ATP8B4: variants seen among roughly 807,000 people sequenced by gnomAD.
ATP8B4 encodes ATPase phospholipid transporting 8B4 (putative), also known as probable phospholipid-transporting ATPase IM.
Under a neutral mutation model 145.6 loss-of-function variants are expected in ATP8B4, and 133 were observed. That is an observed-to-expected ratio of 0.91 (90% CI 0.79 to 1.05). The LOEUF (loss-of-function observed/expected upper bound fraction) is 1.05. Ranked by LOEUF, ATP8B4 falls within the 50% of genes least tolerant of loss-of-function variation. The pLI is 0.00. For synonymous variants in ATP8B4, 507 were observed against 492.9 expected (o/e 1.03, Z -0.38); for missense variants, 1,458 against 1,425.2 (o/e 1.02, Z -0.37).
chr15:50,099,780 T>C (rs2056229586), intron 2 of ATP8B4, among the ~76,000 whole-genome samples: 1 of 152,182 alleles, frequency 6.6e-6, no homozygotes, highest in South Asian at 2.1e-4. Context: ...GGCTCACGCC[T>C]GTAATCCCAG....
At chr15:50,059,691 A>G (rs2052864582) in intron 3 of ATP8B4, among the ~76,000 whole-genome samples, 1 of 152,198 alleles carries the variant, frequency 6.6e-6, no homozygotes, top group Non-Finnish European at 1.5e-5. Context: ...TTAGAAAACA[A>G]AGTTCATCCA....
intron 8 of ATP8B4, among the ~76,000 whole-genome samples, chr15:50,001,132 G>A (rs180755315): frequency 4.0e-4 from 60 of 151,576 alleles, no homozygotes; most frequent in Admixed American, 3.0e-3. Context: ...GCTCTGTGTC[G>A]TTGATTTTCT....
intron 3 of ATP8B4, among the ~76,000 whole-genome samples, chr15:50,048,351 A>G (rs1261315999): frequency 6.6e-6 from 1 of 152,082 alleles, no homozygotes; most frequent in Non-Finnish European, 1.5e-5. Context: ...CTCTTAAGAC[A>G]CCCCAATAAT....
At chr15:50,058,960 GAA>G (rs34248262) in intron 3 of ATP8B4, among the ~76,000 whole-genome samples, 4 of 145,518 alleles carry the variant, frequency 2.7e-5, no homozygotes, top group South Asian at 4.4e-4. Context: ...GGAGGGCAGG[GAA>G]AAAAAAAAGA....
chr15:49,916,823 G>A, intron 20 of ATP8B4, 111 bp downstream of exon 20: 1 of 998,242 alleles, frequency 1.0e-6, no homozygotes, highest in East Asian at 2.5e-5. Context: ...TTTATACTAA[G>A]TTAAGACCAC....
At chr15:50,117,419 C>T (rs1474579053) in intron 1 of ATP8B4, among the ~76,000 whole-genome samples, 2 of 152,160 alleles carry the variant, frequency 1.3e-5, no homozygotes, top group East Asian at 3.8e-4. Flanking sequence ...TTAGTTAACT[C>T]TTTTCCTACT....
chr15:50,011,553 C>T (rs2048721996), intron 6 of ATP8B4, among the ~76,000 whole-genome samples: 1 of 152,088 alleles, frequency 6.6e-6, no homozygotes, highest in East Asian at 1.9e-4. Flanking sequence ...GCTTTCTGTG[C>T]AGGTCATGTA....
chr15:50,178,010 G>C (rs2044789266), intron 1 of ATP8B4, among the ~76,000 whole-genome samples: 1 of 152,176 alleles, frequency 6.6e-6, no homozygotes, highest in Non-Finnish European at 1.5e-5. Flanking sequence ...AGATGATAGG[G>C]ATGAACGTCC....
intron 2 of ATP8B4, among the ~76,000 whole-genome samples, chr15:50,098,539 C>T (rs1327642208): frequency 6.6e-6 from 1 of 151,842 alleles, no homozygotes. Context: ...CCACCTCAGC[C>T]TCCCAAAGCA....
intron 3 of ATP8B4, among the ~76,000 whole-genome samples, chr15:50,054,922 C>T (rs926898416): frequency 6.6e-6 from 1 of 151,634 alleles, no homozygotes; most frequent in Non-Finnish European, 1.5e-5. Context: ...TGCCAAATTC[C>T]TTAGTTTCAC....
chr15:49,940,237 C>T (rs1161953465), intron 14 of ATP8B4, among the ~76,000 whole-genome samples: 2 of 152,084 alleles, frequency 1.3e-5, no homozygotes, highest in Admixed American at 6.6e-5. Context: ...GAAATCATGC[C>T]CTTTGTAGCC....
intron 14 of ATP8B4, among the ~76,000 whole-genome samples, chr15:49,953,966 C>A (rs984387852): frequency 6.6e-6 from 1 of 152,198 alleles, no homozygotes; most frequent in Non-Finnish European, 1.5e-5. Flanking sequence ...GGCCGCCCAC[C>A]ACACTGCTCT....
chr15:49,900,992 T>A, intron 21 of ATP8B4, 100 bp downstream of exon 21: 6 of 1,435,228 alleles, frequency 4.2e-6, no homozygotes, highest in Non-Finnish European at 5.7e-6. Flanking sequence ...AGTAGTGACA[T>A]TTGTCTGGAA....
intron 2 of ATP8B4, 39 bp from the exon 3 acceptor site, chr15:50,074,224 G>C (rs1487824985): frequency 1.3e-6 from 2 of 1,546,776 alleles, no homozygotes; most frequent in African/African-American, 2.7e-5. Context: ...TAAATTGTAG[G>C]CCCAGAGAAA....
At chr15:50,139,986 G>C (rs1479203333) in intron 1 of ATP8B4, among the ~76,000 whole-genome samples, 1 of 138,630 alleles carries the variant, frequency 7.2e-6, no homozygotes, top group South Asian at 2.3e-4. Flanking sequence ...AAGGCATACA[G>C]AGTGGTATGA....
Position 49,923,301 on chromosome 15 carries a change from C to T in ATP8B4, c.1758+78G>A, listed in dbSNP as rs533049489. On this transcript the variant is annotated intron_variant, in intron 17 of 27. Coordinates refer to ENST00000284509, the MANE Select transcript of ATP8B4 (RefSeq NM_024837.4). ...TTTCAGTAGTCAAATCATCTAGCTG[C>T]TATTTTTTTTAAACAAGACCTAACC... 51 of 974,286 alleles carry T rather than the reference C, an allele frequency of 5.2e-5. 1 individual carries two copies. The South Asian group carries it at 7.6e-4, about 14-fold the overall frequency. The allele number at this position is 974,286 out of a possible 1,614,324, so 60.4% of individuals were successfully genotyped here.
chr15:50,144,821 A>T (rs139667483), intron 1 of ATP8B4, among the ~76,000 whole-genome samples: 77 of 151,658 alleles, frequency 5.1e-4, no homozygotes, highest in African/African-American at 1.8e-3. Flanking sequence ...CATATCTATG[A>T]TTTCCTTCAG....
At chr15:49,908,771 T>G (rs1272782002) in intron 20 of ATP8B4, among the ~76,000 whole-genome samples, 1 of 152,054 alleles carries the variant, frequency 6.6e-6, no homozygotes, top group Non-Finnish European at 1.5e-5. Context: ...CCACCACCAC[T>G]GCCACCACTG....
chr15:49,979,544 C>T, intron 12 of ATP8B4, 73 bp downstream of exon 12: 2 of 1,280,238 alleles, frequency 1.6e-6, no homozygotes, highest in Non-Finnish European at 2.1e-6. Context: ...ACTGCTGAAA[C>T]TTTAAAACAA....
Sources: gnomAD v4.1 joint callset for allele counts (sites outside exome capture counted in the v4.1 genomes callset) on GRCh38, gnomAD v4.1.1 for gene constraint, MANE v1.5 for transcripts, NCBI Gene and HGNC (gene_info 2026-07-23, HGNC 2026-07-21) for gene names.